TBC1D8: variants seen among roughly 807,000 people sequenced by gnomAD.
The protein encoded by TBC1D8 is BUB2-like protein 1.
Under a neutral mutation model 118.8 loss-of-function variants are expected in TBC1D8, and 65 were observed. That is an observed-to-expected ratio of 0.55 (90% CI 0.45 to 0.67). The LOEUF is 0.67. Among genes scored for constraint, TBC1D8 ranks in the 30% least tolerant of loss-of-function variants. TBC1D8 has a pLI of 0.00. For synonymous variants in TBC1D8, 566 were observed against 595.8 expected (o/e 0.95, Z 0.73); for missense variants, 1,376 against 1,471.2 (o/e 0.94, Z 1.06).
chr2:101,128,391 T>TA (rs1678442195), intron 1 of TBC1D8, among the ~76,000 whole-genome samples: 1 of 152,132 alleles, frequency 6.6e-6, no homozygotes, highest in African/African-American at 2.4e-5. Context: ...GTAATGAGGG[T>TA]CTCAGGGCCA....
At position 101,037,638 on chromosome 2, in the gene TBC1D8, G is replaced by A; in HGVS notation, c.1346C>T (p.Ser449Phe). The A allele has an allele frequency of 6.2e-7, 1 of 1,613,940 alleles. No homozygotes were observed. Among genetic ancestry groups the A allele is most frequent in the Non-Finnish European group, 8.5e-7 (1 of 1,179,908 alleles). Reference sequence around the variant, plus strand: ...TTTCTCACTCTCCTCGCTATTTTGAGAAGACATCATTTCAAGATCCCCAAA... The same window carrying A: ...TTTCTCACTCTCCTCGCTATTTTGAAAAGACATCATTTCAAGATCCCCAAA... ...HRFGDLEMMS[S>F]QNSEESEKEK... The change falls in exon 8 of 20, where the codon TCT becomes TTT. Residue 449 changes from serine (S) to phenylalanine (F), a missense_variant. By Grantham distance (155) the Ser-to-Phe change is radical. Coordinates refer to ENST00000409318, the MANE Select transcript of TBC1D8 (RefSeq NM_001330348.2).
At chr2:101,064,584 C>T (rs553578528) in intron 2 of TBC1D8, among the ~76,000 whole-genome samples, 9 of 152,264 alleles carry the variant, frequency 5.9e-5, no homozygotes, top group Admixed American at 1.3e-4. Context: ...AAGACTTTTT[C>T]GTTTTCTAAG....
At chr2:101,029,419 C>T (rs1225022704) in intron 12 of TBC1D8, 72 bp downstream of exon 12, 22 of 1,511,606 alleles carry the variant, frequency 1.5e-5, no homozygotes, top group Non-Finnish European at 1.5e-5. Context: ...ACTTCCCCAC[C>T]GATAGCCCTG....
At chr2:101,110,104 T>C (rs1677501114) in intron 1 of TBC1D8, 3 of 793,382 alleles carry the variant, frequency 3.8e-6, no homozygotes. Context: ...AGTTTTATAA[T>C]TAGGGCCCAA....
rs983037879 is a variant in TBC1D8, at chr2:101,040,249, C to A, written c.1009G>T (p.Ala337Ser). The change falls in exon 6 of 20, where the codon GCC (alanine) becomes TCC (serine). Residue 337 changes from alanine (A) to serine (S), a missense_variant. Ala to Ser is a moderately conservative substitution (Grantham distance 99). Coordinates refer to ENST00000409318, the MANE Select transcript of TBC1D8 (RefSeq NM_001330348.2). ...GCAAAGCAGATGTAGCTGTCAGAGGCGAACATCCGCCCCGTGGTGTGACAG... is the reference window on the plus strand; with the variant it reads ...GCAAAGCAGATGTAGCTGTCAGAGGAGAACATCCGCCCCGTGGTGTGACAG... ...SRCHTTGRMF[A>S]SDSYICFASR... 3 of 1,613,880 alleles carry A rather than the reference C, an allele frequency of 1.9e-6. No individual in the cohort carries two copies. The highest frequency in any genetic ancestry group is 1.1e-5 in the South Asian group (1 of 91,080).
chr2:101,112,323 G>C (rs953428823), intron 1 of TBC1D8, among the ~76,000 whole-genome samples: 2 of 152,144 alleles, frequency 1.3e-5, no homozygotes, highest in African/African-American at 2.4e-5. Context: ...ACTCCCCAGC[G>C]AATCTATCCA....
At chr2:101,048,102 C>T (rs1241608833) in intron 5 of TBC1D8, among the ~76,000 whole-genome samples, 1 of 152,204 alleles carries the variant, frequency 6.6e-6, no homozygotes, top group East Asian at 1.9e-4. Flanking sequence ...GCCCATGTGC[C>T]CCACACACAC....
chr2:101,133,853 A>C (rs1454473587), intron 1 of TBC1D8, among the ~76,000 whole-genome samples: 1 of 152,198 alleles, frequency 6.6e-6, no homozygotes, highest in African/African-American at 2.4e-5. Flanking sequence ...GGAAACTTAC[A>C]ATCAGGGTGG....
At chr2:101,141,199 A>G (rs915976127) in intron 1 of TBC1D8, among the ~76,000 whole-genome samples, 5 of 152,146 alleles carry the variant, frequency 3.3e-5, no homozygotes, top group African/African-American at 1.2e-4. Context: ...TCGTGAGTCA[A>G]TATTTACATT....
At chr2:101,048,751 A>G (rs1681866184) in intron 5 of TBC1D8, among the ~76,000 whole-genome samples, 1 of 152,196 alleles carries the variant, frequency 6.6e-6, no homozygotes, top group Non-Finnish European at 1.5e-5. Flanking sequence ...AAAAAAAAAA[A>G]AAACACTATA....
intron 1 of TBC1D8, among the ~76,000 whole-genome samples, chr2:101,140,915 C>T (rs9636376): frequency 0.15 from 22,265 of 152,002 alleles, 2,010 homozygotes; most frequent in East Asian, 0.27. Context: ...GGATGCGCCA[C>T]CATGCCTGGC....
At chr2:101,048,740 T>TAA (rs35930111) in intron 5 of TBC1D8, among the ~76,000 whole-genome samples, 8 of 132,162 alleles carry the variant, frequency 6.1e-5, no homozygotes, top group African/African-American at 2.1e-4. Context: ...TAAGTCTTTT[T>TAA]AAAAAAAAAA....
intron 15 of TBC1D8, among the ~76,000 whole-genome samples, chr2:101,022,763 G>C (rs1326850797): frequency 6.6e-6 from 1 of 152,074 alleles, no homozygotes; most frequent in Non-Finnish European, 1.5e-5. Context: ...ATGTACCAAT[G>C]TAACTATTTT....
chr2:101,090,277 T>C lies in TBC1D8; in HGVS notation c.215A>G (p.Gln72Arg). 1.2e-6 allele frequency: 2 copies of C among 1,613,960 alleles called. No individual in the cohort carries two copies. The highest frequency in any genetic ancestry group is 1.7e-6 in the Non-Finnish European group (2 of 1,179,870). ...ACCACATGCTATGGGAGAATAAACC[T>C]GGGAGCCGGGAACTTGAAGCAGAAT... ...FRILLQVPGS[Q>R]VYSPIACGEL... The change falls in exon 2 of 20, where the codon CAG becomes CGG. Residue 72 changes from glutamine to arginine, a missense_variant. Coordinates refer to ENST00000409318, the MANE Select transcript of TBC1D8 (RefSeq NM_001330348.2).
chr2:101,069,783 G>A (rs1683209279), intron 2 of TBC1D8, among the ~76,000 whole-genome samples: 3 of 152,138 alleles, frequency 2.0e-5, no homozygotes, highest in Admixed American at 1.3e-4. Context: ...CAAATTTTAT[G>A]GGATTTTTTT....
intron 19 of TBC1D8, among the ~76,000 whole-genome samples, chr2:101,009,161 A>G (rs924150070): frequency 5.9e-5 from 9 of 152,208 alleles, no homozygotes; most frequent in African/African-American, 1.9e-4. Flanking sequence ...TGGGAGGCCA[A>G]GGCAGGCGGA....
At position 101,036,117 on chromosome 2, in the gene TBC1D8, C is replaced by T. The variant is rs1269810847; in HGVS notation, c.1504G>A (p.Gly502Ser). 6.2e-6 allele frequency: 10 copies of T among 1,613,954 alleles called. No individual in the cohort carries two copies. Among genetic ancestry groups the T allele is most frequent in the South Asian group, 1.1e-5 (1 of 91,078 alleles). The change falls in exon 9 of 20, where the codon GGC becomes AGC. Residue 502 changes from glycine to serine, a missense_variant. Physicochemically the swap from Gly to Ser is moderately conservative, Grantham distance 56. Transcript: ENST00000409318. ...GTGCGAAACATACACACGGTTCTGCCGTATTCCACAAAGTGGTCATTCCAC... is the reference window on the plus strand; with the variant it reads ...GTGCGAAACATACACACGGTTCTGCTGTATTCCACAAAGTGGTCATTCCAC... ...SLWNDHFVEY[G>S]RTVCMFRTEK...
Position 101,036,132 on chromosome 2 carries a change from G to A in TBC1D8, c.1489C>T (p.His497Tyr), listed in dbSNP as rs766040733. The A allele has an allele frequency of 5.9e-5, 95 of 1,613,794 alleles. No individual in the cohort carries two copies. The highest frequency in any genetic ancestry group is 7.7e-5 in the Non-Finnish European group (91 of 1,179,884). The change falls in exon 9 of 20, where the codon CAC becomes TAC. Residue 497 changes from histidine (H) to tyrosine (Y), a missense_variant. His to Tyr is a moderately conservative substitution (Grantham distance 83). Transcript: ENST00000409318. The part of the protein sequence containing the change: ...EQIKISLWND[H>Y]FVEYGRTVCM... ...ACGGTTCTGCCGTATTCCACAAAGT[G>A]GTCATTCCACAGGCTTATTTTTATC...
Position 101,151,114 on chromosome 2 carries a change from G to C in TBC1D8, c.127+13C>G. 9.6e-7 allele frequency: 1 copy of C among 1,046,118 alleles called. No homozygotes were observed. The highest frequency in any genetic ancestry group is 8.9e-5 in the East Asian group (1 of 11,252). 64.8% of individuals were successfully genotyped at this position (1,046,118 alleles called of 1,614,324 possible). A position where few individuals can be genotyped will look rare whatever the true frequency, so the allele number is the denominator to read the frequency against. ...GGGCCCGGCCGCCGCGCCCGCCCCG[G>C]CGAGCCCCTTACCGGTGAGGCGGCC... On this transcript the variant is annotated intron_variant, in intron 1 of 19. Transcript: ENST00000409318.
Sources: gnomAD v4.1 joint callset for allele counts (sites outside exome capture counted in the v4.1 genomes callset) on GRCh38, gnomAD v4.1.1 for gene constraint, MANE v1.5 for transcripts, NCBI Gene and HGNC (gene_info 2026-07-23, HGNC 2026-07-21) for gene names.